The following RIN2 variants were observed in gnomAD, a reference collection of about 807,000 sequenced individuals.
RIN2 encodes Ras and Rab interactor 2.
A neutral mutation model predicts 78.0 loss-of-function variants in RIN2; 36 were observed. That is an observed-to-expected ratio of 0.46 (90% CI 0.35 to 0.61). RIN2 has a LOEUF of 0.61. RIN2 is among the 20% of genes least tolerant of loss of function. The pLI is 0.00. For missense variants in RIN2, 1,087 were observed against 1,159.7 expected (o/e 0.94, Z 0.91); for synonymous variants, 466 against 466.8 (o/e 1.00, Z 0.02).
chr20:19,933,539 A>G (rs1004735533), intron 3 of RIN2, among the ~76,000 whole-genome samples: 3 of 152,072 alleles, frequency 2.0e-5, no homozygotes, highest in Non-Finnish European at 4.4e-5. Context: ...GCCCCACCAG[A>G]ATCTCATCTC....
intron 2 of RIN2, among the ~76,000 whole-genome samples, chr20:19,862,493 T>G (rs535021152): frequency 6.6e-6 from 1 of 152,278 alleles, no homozygotes; most frequent in African/African-American, 2.4e-5. Context: ...CTTGGGAGGC[T>G]GAGGCAGGAG....
At chr20:19,830,191 T>C (rs1051278420) in intron 2 of RIN2, among the ~76,000 whole-genome samples, 2 of 152,170 alleles carry the variant, frequency 1.3e-5, no homozygotes, top group Admixed American at 6.5e-5. Context: ...AAACCATTTG[T>C]TTTTTAGCCA....
chr20:19,864,820 G>A (rs563032532), intron 2 of RIN2, among the ~76,000 whole-genome samples: 1 of 152,314 alleles, frequency 6.6e-6, no homozygotes, highest in South Asian at 2.1e-4. Context: ...CATCTTTGGA[G>A]TTGTTCTCTA....
At position 19,956,739 on chromosome 20, in the gene RIN2, C is replaced by A; in HGVS notation, c.283C>A (p.Pro95Thr). ...CTTGGACCGGCTCCTCCACACCCAC[C>A]CCATATGGCTGCAGCTGAGTCTGAG... The part of the protein sequence containing the change: ...SILDRLLHTH[P>T]IWLQLSLSEE... The change falls in exon 5 of 13, where the codon CCC becomes ACC. Residue 95 changes from proline to threonine, a missense_variant. Physicochemically the swap from Pro to Thr is conservative, Grantham distance 38. Coordinates refer to ENST00000255006, the MANE Select transcript of RIN2 (RefSeq NM_018993.4). 3.1e-6 allele frequency: 5 copies of A among 1,609,656 alleles called. No homozygotes were observed. The highest frequency in any genetic ancestry group is 3.3e-4 in the Middle Eastern group (2 of 6,058).
At chr20:19,812,061 C>CTTTTTTT (rs10678963) in intron 2 of RIN2, among the ~76,000 whole-genome samples, 1 of 150,982 alleles carries the variant, frequency 6.6e-6, no homozygotes, top group African/African-American at 2.4e-5. Flanking sequence ...ATAGCTTGTT[C>CTTTTTTT]TTTTTTTTTA....
intron 2 of RIN2, among the ~76,000 whole-genome samples, chr20:19,845,357 A>G (rs141687776): frequency 0.012 from 1,776 of 152,314 alleles, 10 homozygotes; most frequent in Non-Finnish European, 0.014. Context: ...CCAACAGTGT[A>G]AAAGCTTTCC....
Position 19,970,868 on chromosome 20 carries a change from T to A in RIN2, c.567T>A (p.Pro189=). The change falls in exon 8 of 13, where the codon CCT becomes CCA. Residue 189 remains proline (P), a synonymous_variant. Coordinates refer to ENST00000255006, the MANE Select transcript of RIN2 (RefSeq NM_018993.4). ...TTCTACCATTTACCTTGAAGTTGCC[T>A]TATGCCATTTCAACAGCCAAGTCGG... ...RDVLPFTLKL[P]YAISTAKSEA... is the part of the protein sequence containing the mutation. The A allele has an allele frequency of 6.2e-7, 1 of 1,613,654 alleles. No homozygotes were observed. The highest frequency in any genetic ancestry group is 8.5e-7 in the Non-Finnish European group (1 of 1,179,738).
At chr20:19,997,878 T>C (rs530173864) in intron 12 of RIN2, among the ~76,000 whole-genome samples, 1 of 152,256 alleles carries the variant, frequency 6.6e-6, no homozygotes, top group South Asian at 2.1e-4. Context: ...AATTAAATGA[T>C]AAAACCTTCC....
At chr20:19,924,741 TTTTTTTTTTTTTTTTG>T (rs2040154957) in intron 3 of RIN2, among the ~76,000 whole-genome samples, 1 of 5,538 alleles carries the variant, frequency 1.8e-4, no homozygotes, top group African/African-American at 1.2e-3. Flanking sequence ...TTTTTTTTTT[TTTTTTTTTTTTTTTTG>T]AGACGGAGTT....
intron 1 of RIN2, among the ~76,000 whole-genome samples, chr20:19,771,770 C>A (rs2034132319): frequency 6.6e-6 from 1 of 152,198 alleles, no homozygotes; most frequent in Non-Finnish European, 1.5e-5. Flanking sequence ...GCTCTGACAG[C>A]AGCTTTTCTA....
intron 12 of RIN2, among the ~76,000 whole-genome samples, chr20:19,998,543 T>G (rs6035508): frequency 0.046 from 7,051 of 152,138 alleles, 194 homozygotes; most frequent in South Asian, 0.14. Context: ...CCCAGGAGTT[T>G]GAGGCTACAG....
At chr20:19,852,559 G>C (rs150677406) in intron 2 of RIN2, among the ~76,000 whole-genome samples, 21 of 152,294 alleles carry the variant, frequency 1.4e-4, no homozygotes, top group Middle Eastern at 3.4e-3. Context: ...TCCAGGTCTC[G>C]TTGCCTGAGG....
At chr20:19,865,381 G>C (rs972737012) in intron 2 of RIN2, among the ~76,000 whole-genome samples, 1 of 152,010 alleles carries the variant, frequency 6.6e-6, no homozygotes, top group African/African-American at 2.4e-5. Context: ...AAATAAAACT[G>C]CCCAATAAAA....
chr20:19,826,929 A>ATTG lies in RIN2; in HGVS notation c.-37+27186_-37+27188dup, dbSNP rs776395887. ...GTTTTTTTCTAATTTTATTTTTGTT[A>ATTG]TTGTTGGTGGTGGTGGTGGTGGTTT... On this transcript the variant is annotated intron_variant, in intron 2 of 12. Transcript: ENST00000255006. Among the ~76,000 whole-genome samples, 151 of 134,772 alleles carry ATTG rather than the reference A, an allele frequency of 1.1e-3. 2 individuals are homozygous for ATTG. Among genetic ancestry groups the ATTG allele is most frequent in the Non-Finnish European group, 1.8e-4 (11 of 62,032 alleles). 88.4% of individuals were successfully genotyped at this position (134,772 alleles called of 152,430 possible).
intron 2 of RIN2, among the ~76,000 whole-genome samples, chr20:19,877,889 G>A (rs369564911): frequency 6.2e-4 from 94 of 152,224 alleles, no homozygotes; most frequent in Admixed American, 1.0e-3. Context: ...GTGTGGTGGT[G>A]CACACCTGTA....
chr20:19,912,470 T>TTTTTC (rs1262032296), intron 3 of RIN2, among the ~76,000 whole-genome samples: 3 of 117,602 alleles, frequency 2.6e-5, no homozygotes, highest in African/African-American at 1.1e-4. Flanking sequence ...TTTCTTTTTC[T>TTTTTC]TTTTCTTTTT....
intron 2 of RIN2, among the ~76,000 whole-genome samples, chr20:19,870,510 G>A (rs919071884): frequency 3.9e-5 from 6 of 152,296 alleles, no homozygotes; most frequent in African/African-American, 1.2e-4. Context: ...AGCCAGGCAC[G>A]ATGGTGCACG....
chr20:19,788,621 A>G (rs1244318929), intron 1 of RIN2, among the ~76,000 whole-genome samples: 2 of 151,786 alleles, frequency 1.3e-5, no homozygotes, highest in African/African-American at 2.4e-5. Context: ...AAAAAAAATT[A>G]AAATTGCCAT....
chr20:19,960,100 C>T (rs944824517), intron 5 of RIN2, among the ~76,000 whole-genome samples: 1 of 152,234 alleles, frequency 6.6e-6, no homozygotes, highest in Non-Finnish European at 1.5e-5. Flanking sequence ...AATGGAACAG[C>T]CATTTTTCAG....
Sources: allele counts gnomAD v4.1 joint callset (sites outside exome capture counted in the v4.1 genomes callset), GRCh38; gene constraint gnomAD v4.1.1; transcripts MANE v1.5; gene names NCBI Gene and HGNC (gene_info 2026-07-23, HGNC 2026-07-21).